Variants in FREM1 observed in about 807,000 individuals in gnomAD.
FREM1 encodes the protein FRAS1-related extracellular matrix protein 1.
FREM1 carries 220 observed loss-of-function variants against 210.1 expected under a neutral mutation model. The observed-to-expected ratio is 1.05, with a 90% CI of 0.94 to 1.17. The LOEUF (loss-of-function observed/expected upper bound fraction) is 1.17. FREM1 is among the 50% of genes most tolerant of loss of function. The probability of loss-of-function intolerance (pLI) is 0.00; values close to 1 mark genes in which losing one functional copy is unlikely to be tolerated. For synonymous variants in FREM1, 1,189 were observed against 980.2 expected, an observed-to-expected ratio of 1.21 and a Z score of -3.98; for missense variants, 3,454 against 2,675.5, an observed-to-expected ratio of 1.29 and a Z score of -6.42.
intron 1 of FREM1, among the ~76,000 whole-genome samples, chr9:14,871,951 T>C (rs532323644): frequency 1.3e-5 from 2 of 152,334 alleles, no homozygotes; most frequent in African/African-American, 4.8e-5. Context: ...TTTTGTCAGG[T>C]TTGTCAAAGA....
At chr9:14,887,990 G>A (rs1052436703) in intron 1 of FREM1, among the ~76,000 whole-genome samples, 20 of 152,062 alleles carry the variant, frequency 1.3e-4, no homozygotes, top group Admixed American at 6.6e-5. Flanking sequence ...TAGAGACAGG[G>A]TTTCACCATG....
intron 14 of FREM1, 76 bp downstream of exon 14, chr9:14,819,158 T>C: frequency 9.6e-7 from 1 of 1,040,802 alleles, no homozygotes; most frequent in South Asian, 1.9e-5. Flanking sequence ...CAAACTTCTT[T>C]CTCTTACTCT....
intron 14 of FREM1, among the ~76,000 whole-genome samples, chr9:14,817,371 C>T (rs1017650587): frequency 5.9e-5 from 9 of 152,168 alleles, no homozygotes; most frequent in African/African-American, 2.2e-4. Context: ...TTGCCTCTTT[C>T]CTGTCATTTC....
chr9:14,901,567 T>G (rs1047540146), intron 1 of FREM1, among the ~76,000 whole-genome samples: 1 of 151,472 alleles, frequency 6.6e-6, no homozygotes, highest in Non-Finnish European at 1.5e-5. Context: ...AGGAAGTGAC[T>G]CCTTTTTAAA....
At chr9:14,900,472 C>G (rs1838584187) in intron 1 of FREM1, among the ~76,000 whole-genome samples, 1 of 152,188 alleles carries the variant, frequency 6.6e-6, no homozygotes, top group Admixed American at 6.5e-5. Context: ...CAGTAAGTCT[C>G]TTAGTCAGGG....
chr9:14,767,112 C>A (rs1212237697), intron 27 of FREM1, among the ~76,000 whole-genome samples: 2 of 152,092 alleles, frequency 1.3e-5, no homozygotes, highest in Non-Finnish European at 2.9e-5. Context: ...AAGGCTTGAA[C>A]AGTTACTAGA....
At chr9:14,822,735 G>A (rs893763952) in intron 13 of FREM1, among the ~76,000 whole-genome samples, 6 of 152,082 alleles carry the variant, frequency 3.9e-5, no homozygotes. Context: ...TGACAGAAGG[G>A]TCCATCTTGA....
At chr9:14,780,809 A>G (rs1198412700) in intron 24 of FREM1, among the ~76,000 whole-genome samples, 1 of 152,186 alleles carries the variant, frequency 6.6e-6, no homozygotes, top group African/African-American at 2.4e-5. Flanking sequence ...TTGGTTGCAT[A>G]TATTTAATTT....
chr9:14,817,998 C>G (rs569378868), intron 14 of FREM1, among the ~76,000 whole-genome samples: 2 of 152,302 alleles, frequency 1.3e-5, no homozygotes, highest in Admixed American at 1.3e-4. Flanking sequence ...TGGAGTCAAA[C>G]AGATATTCTT....
chr9:14,877,983 C>A (rs956734193), intron 1 of FREM1, among the ~76,000 whole-genome samples: 1 of 152,168 alleles, frequency 6.6e-6, no homozygotes, highest in African/African-American at 2.4e-5. Flanking sequence ...CCATTGTGAT[C>A]CCCCGGTCCA....
At chr9:14,867,914 T>C (rs1831850203) in intron 2 of FREM1, among the ~76,000 whole-genome samples, 1 of 152,154 alleles carries the variant, frequency 6.6e-6, no homozygotes. Context: ...TGTTAGAGAA[T>C]ATAGACTTTT....
chr9:14,784,842 A>G (rs573219757), intron 23 of FREM1, among the ~76,000 whole-genome samples: 2 of 152,354 alleles, frequency 1.3e-5, no homozygotes, highest in South Asian at 4.1e-4. Context: ...GCCAGTAAAG[A>G]TATTTTTAAA....
At position 14,766,819 on chromosome 9, in the gene FREM1, A is replaced by G. The variant is rs141748506; in HGVS notation, c.5204+2905T>C. On this transcript the variant is annotated intron_variant, in intron 27 of 36. Coordinates refer to ENST00000380880, the MANE Select transcript of FREM1 (RefSeq NM_001379081.2). ...AAGCCAAAGAACACCACAAAGTTCCACAGCGTTTAGCTCATTGATTAATAT... is the reference window on the plus strand; with the variant it reads ...AAGCCAAAGAACACCACAAAGTTCCGCAGCGTTTAGCTCATTGATTAATAT... Among the ~76,000 whole-genome samples the G allele has an allele frequency of 4.3e-3, 650 of 152,324 alleles. 5 individuals carry two copies. Among genetic ancestry groups the G allele is most frequent in the Middle Eastern group, 0.02 (6 of 294 alleles).
At chr9:14,842,723 G>A (rs1825905365) in intron 8 of FREM1, 63 bp from the exon 9 acceptor site, 2 of 1,214,456 alleles carry the variant, frequency 1.6e-6, no homozygotes, top group East Asian at 4.7e-5. Context: ...CAGCTGTGGG[G>A]AAAGCATCAA....
At chr9:14,754,163 T>A (rs1468391485) in intron 29 of FREM1, among the ~76,000 whole-genome samples, 1 of 152,102 alleles carries the variant, frequency 6.6e-6, no homozygotes, top group Admixed American at 6.5e-5. Flanking sequence ...GACCTCAAAT[T>A]ATGAAGATGA....
intron 8 of FREM1, among the ~76,000 whole-genome samples, chr9:14,843,342 T>G (rs1053861131): frequency 7.2e-5 from 11 of 152,304 alleles, no homozygotes; most frequent in Admixed American, 4.6e-4. Context: ...GGCTTTGGAC[T>G]GGGTTACACC....
At chr9:14,788,295 C>CT (rs1015212198) in intron 23 of FREM1, among the ~76,000 whole-genome samples, 6 of 152,052 alleles carry the variant, frequency 3.9e-5, no homozygotes, top group African/African-American at 1.4e-4. Flanking sequence ...TTTAAACAAA[C>CT]TCTCCTCCAT....
intron 1 of FREM1, among the ~76,000 whole-genome samples, chr9:14,871,329 T>C (rs1385570239): frequency 6.6e-6 from 1 of 152,210 alleles, no homozygotes; most frequent in Non-Finnish European, 1.5e-5. Context: ...GTTTCCTGAC[T>C]TTTTAGTGAT....
In FREM1 at chr9:14,842,403, C is replaced by CCA. The variant is rs1287644925; in HGVS notation, c.1649_1650dup (p.Asp551TrpfsTer22). 2.6e-5 allele frequency: 42 copies of CCA among 1,613,772 alleles called. No homozygotes were observed. The highest frequency in any genetic ancestry group is 3.6e-5 in the Non-Finnish European group (42 of 1,179,760). On this transcript the variant is annotated frameshift_variant, in exon 9 of 37. Transcript: ENST00000380880. LOFTEE classifies it high-confidence loss of function. ...AAGAAGATGTAGTCATCACTGGCGT[C>CCA]CACATCTGAAGCTCGCAGCATGGAT...
Sources: allele counts gnomAD v4.1 joint callset (sites outside exome capture counted in the v4.1 genomes callset), GRCh38; gene constraint gnomAD v4.1.1; transcripts MANE v1.5; gene names NCBI Gene and HGNC (gene_info 2026-07-23, HGNC 2026-07-21).